The following ARK2N variants were observed in gnomAD, a reference collection of about 807,000 sequenced individuals.
ARK2N encodes the protein arkadia (RNF111) N-terminal like PKA signaling regulator 2N.
chr18:46,258,491 A>G, the ARK2N span, among the ~76,000 whole-genome samples: 1 of 152,134 alleles, frequency 6.6e-6, no homozygotes, highest in Non-Finnish European at 1.5e-5. Context: ...CAGCCTTTCT[A>G]TTGATATTAG....
At chr18:46,222,283 C>G in the ARK2N span, among the ~76,000 whole-genome samples, 148 of 152,342 alleles carry the variant, frequency 9.7e-4, no homozygotes, top group African/African-American at 3.3e-3. Flanking sequence ...CAATTAAGTT[C>G]TCTTACTGCT....
At chr18:46,232,212 A>C in the ARK2N span, 2 of 152,322 alleles carry the variant, frequency 1.3e-5, no homozygotes, top group East Asian at 3.9e-4. Context: ...ATACAGTTAC[A>C]TGAATGTTAT....
the ARK2N span, among the ~76,000 whole-genome samples, chr18:46,202,885 T>TGTA: frequency 2.6e-5 from 4 of 152,014 alleles, no homozygotes; most frequent in African/African-American, 4.8e-5. Context: ...AATAGAAATA[T>TGTA]GTAGATCATG....
chr18:46,252,281 TC>T, the ARK2N span, among the ~76,000 whole-genome samples: 16 of 151,120 alleles, frequency 1.1e-4, no homozygotes, highest in Non-Finnish European at 2.4e-4. Context: ...AATTTTCTTT[TC>T]TTTTTTTTTT....
the ARK2N span, among the ~76,000 whole-genome samples, chr18:46,225,238 G>A: frequency 2.0e-5 from 3 of 152,340 alleles, no homozygotes; most frequent in East Asian, 5.8e-4. Flanking sequence ...TCCAAGTACT[G>A]CCACAGCAGC....
At chr18:46,221,805 GA>G in the ARK2N span, among the ~76,000 whole-genome samples, 1 of 152,226 alleles carries the variant, frequency 6.6e-6, no homozygotes, top group Non-Finnish European at 1.5e-5. Flanking sequence ...CCCACATAGT[GA>G]ATCCATGAAG....
the ARK2N span, among the ~76,000 whole-genome samples, chr18:46,236,981 A>AG: frequency 0.019 from 2,925 of 150,444 alleles, 73 homozygotes; most frequent in African/African-American, 0.061. Flanking sequence ...CTCCTGCCTC[A>AG]CCTCCCAAGT....
the ARK2N span, among the ~76,000 whole-genome samples, chr18:46,186,084 A>G: frequency 1.3e-5 from 2 of 152,176 alleles, no homozygotes; most frequent in Non-Finnish European, 2.9e-5. Context: ...GTGTTTAGGT[A>G]TAGAATAGGC....
chr18:46,214,635 G>A, the ARK2N span, among the ~76,000 whole-genome samples: 1 of 152,190 alleles, frequency 6.6e-6, no homozygotes. Flanking sequence ...ATTATGTCCT[G>A]TACCTGTATG....
chr18:46,248,902 A>G, the ARK2N span, among the ~76,000 whole-genome samples: 1 of 151,982 alleles, frequency 6.6e-6, no homozygotes, highest in East Asian at 1.9e-4. Context: ...TTACGCAGCT[A>G]CTTCCACCAC....
the ARK2N span, among the ~76,000 whole-genome samples, chr18:46,182,552 G>A: frequency 4.6e-5 from 7 of 152,030 alleles, no homozygotes; most frequent in East Asian, 7.7e-4. Context: ...TAGACCAGCC[G>A]GGGCAACAAA....
the ARK2N span, among the ~76,000 whole-genome samples, chr18:46,243,595 C>A: frequency 3.4e-4 from 51 of 152,170 alleles, no homozygotes; most frequent in African/African-American, 1.0e-3. Flanking sequence ...AAAAGTAAGT[C>A]GAAATTAGAG....
chr18:46,179,450 T>C, the ARK2N span, among the ~76,000 whole-genome samples: 1 of 152,140 alleles, frequency 6.6e-6, no homozygotes, highest in Non-Finnish European at 1.5e-5. Flanking sequence ...TTCAGAACTC[T>C]TATGATTCCA....
At chr18:46,258,752 A>T in the ARK2N span, among the ~76,000 whole-genome samples, 1 of 152,044 alleles carries the variant, frequency 6.6e-6, no homozygotes, top group Non-Finnish European at 1.5e-5. Flanking sequence ...GTATGTTCCT[A>T]CCTCATGTCT....
the ARK2N span, among the ~76,000 whole-genome samples, chr18:46,185,742 T>A: frequency 6.6e-6 from 1 of 152,186 alleles, no homozygotes; most frequent in Non-Finnish European, 1.5e-5. Flanking sequence ...ATCCCAGTAC[T>A]TTGTGAGGCC....
the ARK2N span, among the ~76,000 whole-genome samples, chr18:46,194,833 T>G: frequency 6.8e-6 from 1 of 147,982 alleles, no homozygotes; most frequent in East Asian, 2.0e-4. Flanking sequence ...AGATAGAGTC[T>G]CATTCTGTGG....
the ARK2N span, among the ~76,000 whole-genome samples, chr18:46,205,921 G>A: frequency 9.2e-5 from 14 of 151,836 alleles, no homozygotes; most frequent in Non-Finnish European, 1.2e-4. Flanking sequence ...CTATAGGTGG[G>A]ATTTTACCAT....
the ARK2N span, among the ~76,000 whole-genome samples, chr18:46,207,859 A>G: frequency 6.6e-6 from 1 of 152,152 alleles, no homozygotes; most frequent in Non-Finnish European, 1.5e-5. Context: ...CCTGATTTCA[A>G]CATTCTTTGG....
the ARK2N span, among the ~76,000 whole-genome samples, chr18:46,224,654 G>A: frequency 6.6e-6 from 1 of 152,168 alleles, no homozygotes; most frequent in Non-Finnish European, 1.5e-5. Flanking sequence ...GGAAACTACT[G>A]TTAAAGATTC....
Sources: gnomAD v4.1 joint callset for allele counts (sites outside exome capture counted in the v4.1 genomes callset) on GRCh38, gnomAD v4.1.1 for gene constraint, MANE v1.5 for transcripts, NCBI Gene and HGNC (gene_info 2026-07-23, HGNC 2026-07-21) for gene names.